The following NBAS variants were observed in gnomAD, a reference collection of about 807,000 sequenced individuals.
The protein encoded by NBAS is NBAS subunit of NRZ tethering complex, also known as NAG/BC035112 fusion.
In NBAS, 219 loss-of-function variants were observed where a neutral mutation model predicts 302.5. The ratio of observed to expected loss-of-function variants is 0.72; its 90% CI spans 0.65 to 0.81. The LOEUF (loss-of-function observed/expected upper bound fraction) is 0.81. Among genes scored for constraint, NBAS ranks in the 30% least tolerant of loss-of-function variants. NBAS has a pLI of 0.00. For synonymous variants in NBAS, 1,118 were observed against 1,021.6 expected, an observed-to-expected ratio of 1.09 and a Z score of -1.80; for missense variants, 2,932 against 2,841.6, an observed-to-expected ratio of 1.03 and a Z score of -0.72.
At chr2:15,229,362 A>C (rs1351337739) in intron 47 of NBAS, among the ~76,000 whole-genome samples, 22 of 147,702 alleles carry the variant, frequency 1.5e-4, no homozygotes, top group East Asian at 3.9e-4. Context: ...AAAAAAAAAA[A>C]AAAAAAAAAA....
At chr2:15,176,812 T>C (rs1462231839) in intron 51 of NBAS, among the ~76,000 whole-genome samples, 1 of 152,200 alleles carries the variant, frequency 6.6e-6, no homozygotes, top group African/African-American at 2.4e-5. Context: ...TCATGAAAGA[T>C]GTCACACTGG....
intron 51 of NBAS, among the ~76,000 whole-genome samples, chr2:15,172,441 T>G (rs1233128260): frequency 6.6e-6 from 1 of 152,180 alleles, no homozygotes; most frequent in Non-Finnish European, 1.5e-5. Context: ...ACAGTTCTGT[T>G]TCGGTTGTTT....
intron 21 of NBAS, among the ~76,000 whole-genome samples, chr2:15,442,838 A>T (rs1439855220): frequency 1.3e-5 from 2 of 151,944 alleles, no homozygotes; most frequent in Admixed American, 6.6e-5. Flanking sequence ...CCGATCCCAC[A>T]GAAATACAAA....
At chr2:14,900,810 CAGA>C in the NBAS span, among the ~76,000 whole-genome samples, 1 of 152,158 alleles carries the variant, frequency 6.6e-6, no homozygotes, top group African/African-American at 2.4e-5. Flanking sequence ...ACAAAGGAAG[CAGA>C]AGAACTTCAG....
intron 21 of NBAS, among the ~76,000 whole-genome samples, chr2:15,444,033 G>T (rs1394911090): frequency 2.6e-5 from 4 of 151,598 alleles, no homozygotes; most frequent in African/African-American, 9.7e-5. Context: ...AACATTCCAT[G>T]CTCATGGGTA....
chr2:14,806,103 A>G, the NBAS span, among the ~76,000 whole-genome samples: 2 of 152,188 alleles, frequency 1.3e-5, no homozygotes, highest in African/African-American at 4.8e-5. Flanking sequence ...TTGTTAAAAC[A>G]CATATGGGTT....
chr2:15,461,069 T>A, intron 21 of NBAS, 132 bp downstream of exon 21: 1 of 888,246 alleles, frequency 1.1e-6, no homozygotes, highest in Non-Finnish European at 1.7e-6. Flanking sequence ...TACAATAACT[T>A]AATTTTTTAT....
chr2:15,065,316 A>T, the NBAS span, among the ~76,000 whole-genome samples: 1 of 152,116 alleles, frequency 6.6e-6, no homozygotes, highest in Non-Finnish European at 1.5e-5. Flanking sequence ...GAAAAACAAA[A>T]ACCTTTTTCT....
At chr2:15,532,488 C>CAAA (rs896529713) in intron 9 of NBAS, among the ~76,000 whole-genome samples, 13 of 47,678 alleles carry the variant, frequency 2.7e-4, no homozygotes, top group Non-Finnish European at 3.3e-4. Flanking sequence ...GACTCCATCT[C>CAAA]AAAAAAAAAA....
intron 48 of NBAS, among the ~76,000 whole-genome samples, chr2:15,196,082 A>T (rs1035326665): frequency 2.6e-5 from 4 of 152,320 alleles, no homozygotes; most frequent in Admixed American, 1.3e-4. Context: ...CGTTCCTTTC[A>T]TTCTTGCTCT....
At chr2:15,145,312 T>C in the NBAS span, among the ~76,000 whole-genome samples, 1 of 152,100 alleles carries the variant, frequency 6.6e-6, no homozygotes, top group Non-Finnish European at 1.5e-5. Flanking sequence ...CCTGTGCTTT[T>C]ACACGCAATC....
the NBAS span, among the ~76,000 whole-genome samples, chr2:15,034,096 G>A: frequency 6.8e-6 from 1 of 147,626 alleles, no homozygotes; most frequent in Non-Finnish European, 1.5e-5. Context: ...AGAAGAGGAG[G>A]AGGAGAAGGA....
chr2:15,477,483 A>T (rs911296321), intron 13 of NBAS, among the ~76,000 whole-genome samples: 4 of 151,832 alleles, frequency 2.6e-5, no homozygotes, highest in Non-Finnish European at 5.9e-5. Flanking sequence ...CTGGTCTTGA[A>T]CTCCCGACCT....
chr2:14,788,591 G>A, the NBAS span, among the ~76,000 whole-genome samples: 1 of 152,166 alleles, frequency 6.6e-6, no homozygotes, highest in African/African-American at 2.4e-5. Context: ...GTCCACTCCA[G>A]ACCCTGTTTG....
At chr2:14,901,174 GCTAA>G in the NBAS span, among the ~76,000 whole-genome samples, 1 of 152,182 alleles carries the variant, frequency 6.6e-6, no homozygotes, top group East Asian at 1.9e-4. Flanking sequence ...TATATTGAGT[GCTAA>G]CTGTGTGCCT....
chr2:15,362,793 T>C (rs1674001654), intron 32 of NBAS, among the ~76,000 whole-genome samples: 1 of 152,160 alleles, frequency 6.6e-6, no homozygotes, highest in Non-Finnish European at 1.5e-5. Context: ...GGTGGTATTG[T>C]GAAGGTTATT....
chr2:15,293,109 A>T (rs1670386644), intron 40 of NBAS, among the ~76,000 whole-genome samples: 1 of 152,186 alleles, frequency 6.6e-6, no homozygotes, highest in Non-Finnish European at 1.5e-5. Flanking sequence ...CAACCATCTG[A>T]TCACTCACAG....
chr2:15,134,045 T>C, the NBAS span, among the ~76,000 whole-genome samples: 94 of 128,678 alleles, frequency 7.3e-4, no homozygotes, highest in African/African-American at 2.8e-3. Flanking sequence ...TGCACATACA[T>C]GAACATTTCT....
chr2:15,234,257 C>T (rs937340976), intron 46 of NBAS, among the ~76,000 whole-genome samples: 9 of 152,106 alleles, frequency 5.9e-5, no homozygotes, highest in African/African-American at 2.2e-4. Context: ...ACTTACTTAC[C>T]TGTGTCAAAT....
Sources: allele counts gnomAD v4.1 joint callset (sites outside exome capture counted in the v4.1 genomes callset), GRCh38; gene constraint gnomAD v4.1.1; transcripts MANE v1.5; gene names NCBI Gene and HGNC (gene_info 2026-07-23, HGNC 2026-07-21).